The following SLC17A3 variants were observed in gnomAD, a reference collection of about 807,000 sequenced individuals.
SLC17A3 encodes solute carrier family 17 member 3.
In SLC17A3, 61 loss-of-function variants were observed where a neutral mutation model predicts 60.3. The observed-to-expected ratio is 1.01, with a 90% CI of 0.82 to 1.25. The LOEUF (loss-of-function observed/expected upper bound fraction) is 1.25. Ranked by LOEUF, SLC17A3 falls within the 50% of genes most tolerant of loss-of-function variation. The pLI is 0.00. For synonymous variants in SLC17A3, 192 were observed against 208.9 expected (o/e 0.92, Z 0.70); for missense variants, 624 against 594.9 (o/e 1.05, Z -0.51).
At chr6:25,854,607 A>G (rs571089804) in intron 6 of SLC17A3, among the ~76,000 whole-genome samples, 9 of 152,234 alleles carry the variant, frequency 5.9e-5, no homozygotes, top group Non-Finnish European at 1.3e-4. Flanking sequence ...AAAAGCTACT[A>G]AAGTGGAAGT....
intron 2 of SLC17A3, among the ~76,000 whole-genome samples, chr6:25,865,846 C>T (rs899870022): frequency 6.6e-6 from 1 of 151,906 alleles, no homozygotes; most frequent in Non-Finnish European, 1.5e-5. Context: ...GGTCTGTATG[C>T]ATGTGAGAAA....
At chr6:25,856,767 A>T (rs1316489640) in intron 5 of SLC17A3, among the ~76,000 whole-genome samples, 5 of 151,690 alleles carry the variant, frequency 3.3e-5, no homozygotes, top group Non-Finnish European at 7.4e-5. Context: ...GAATTGCTTG[A>T]ACCCAGGAGG....
chr6:25,858,741 T>C (rs538749407), intron 5 of SLC17A3, among the ~76,000 whole-genome samples: 1 of 152,236 alleles, frequency 6.6e-6, no homozygotes, highest in Non-Finnish European at 1.5e-5. Context: ...TTCCAAATTA[T>C]AAGCCAATCT....
chr6:25,867,963 T>C (rs1035488024), intron 2 of SLC17A3, among the ~76,000 whole-genome samples: 1 of 151,696 alleles, frequency 6.6e-6, no homozygotes, highest in South Asian at 2.1e-4. Context: ...CTATAATTAG[T>C]TTTTTTTACT....
chr6:25,846,335 A>G (rs186125968), intron 11 of SLC17A3, among the ~76,000 whole-genome samples: 21 of 152,364 alleles, frequency 1.4e-4, no homozygotes, highest in Admixed American at 2.6e-4. Context: ...TCAAATGTCC[A>G]TAAAAGTACA....
intron 8 of SLC17A3, 102 bp from the exon 9 acceptor site, chr6:25,850,279 T>C: frequency 7.0e-7 from 1 of 1,428,132 alleles, no homozygotes; most frequent in Non-Finnish European, 9.7e-7. Context: ...GAAATCATAC[T>C]TTCTTAGGAA....
chr6:25,864,259 T>C (rs1339156961), intron 2 of SLC17A3, among the ~76,000 whole-genome samples: 1 of 151,976 alleles, frequency 6.6e-6, no homozygotes, highest in African/African-American at 2.4e-5. Flanking sequence ...TGTGGGCCAT[T>C]GCAGGTACTT....
intron 6 of SLC17A3, 47 bp from the exon 7 acceptor site, chr6:25,850,924 TG>T: frequency 2.2e-6 from 3 of 1,340,018 alleles, no homozygotes; most frequent in Non-Finnish European, 3.2e-6. Context: ...TTCTGCTTTT[TG>T]GGTGAACTTC....
chr6:25,851,534 T>A (rs1291323922), intron 6 of SLC17A3, among the ~76,000 whole-genome samples: 1 of 152,170 alleles, frequency 6.6e-6, no homozygotes, highest in Non-Finnish European at 1.5e-5. Flanking sequence ...TCAGGTTTTA[T>A]ATTTAGGTCT....
intron 2 of SLC17A3, among the ~76,000 whole-genome samples, chr6:25,866,820 C>T (rs1322496984): frequency 6.6e-6 from 1 of 151,864 alleles, no homozygotes. Flanking sequence ...AAAACTAGAT[C>T]ATGTAATTAG....
rs370924957 is a variant in SLC17A3 at position 25,861,999 on chromosome 6, G to C, written c.334C>G (p.Gln112Glu). Residue 112 changes from glutamine to glutamate, a missense_variant, in exon 4 of 13, where the codon CAA (glutamine) becomes GAA (glutamate). Physicochemically the swap from Gln to Glu is conservative, Grantham distance 29 (BLOSUM62 2). Transcript: ENST00000397060. Reference protein sequence around the residue: ...APVYDWSPQIQGIIFGAVGYG... With the variant: ...APVYDWSPQIEGIIFGAVGYG... ...CCAACAGCACCAAAGATGATGCCTT[G>C]GATTTGAGGAGACCAGTCATACACA... is the stretch of plus-strand genomic sequence containing the variant. 9.5e-5 allele frequency: 153 copies of C among 1,609,000 alleles called. No homozygotes were observed. The highest frequency in any genetic ancestry group is 1.2e-4 in the Admixed American group (7 of 59,282).
Position 25,862,246 on chromosome 6 carries a change from C to CTCT in SLC17A3, c.287_289dup (p.Lys96dup), listed in dbSNP as rs759579287. On this transcript the variant is annotated inframe_insertion, in exon 3 of 13. Transcript: ENST00000397060. ...TATGTTGCTTACCTTTGCAGGAAGACTCTTTGGGGCTTTACTTAGGCCACC... is the reference window on the plus strand; with the variant it reads ...TATGTTGCTTACCTTTGCAGGAAGACTCTTCTTTGGGGCTTTACTTAGGCCACC... 1 of 1,613,136 alleles carries CTCT rather than the reference C, an allele frequency of 6.2e-7. No individual in the cohort carries two copies. Among genetic ancestry groups the CTCT allele is most frequent in the South Asian group, 1.1e-5 (1 of 91,050 alleles).
intron 11 of SLC17A3, among the ~76,000 whole-genome samples, chr6:25,846,770 C>T (rs1352819761): frequency 6.6e-6 from 1 of 152,080 alleles, no homozygotes; most frequent in Non-Finnish European, 1.5e-5. Context: ...ACCACCACAT[C>T]CGGCTAATTG....
chr6:25,859,957 T>C (rs1384688080), intron 5 of SLC17A3, among the ~76,000 whole-genome samples: 1 of 152,170 alleles, frequency 6.6e-6, no homozygotes, highest in Non-Finnish European at 1.5e-5. Flanking sequence ...ATCTGTTCTA[T>C]GACCTCTGGG....
At chr6:25,868,973 C>G (rs771624873) in intron 1 of SLC17A3, among the ~76,000 whole-genome samples, 3 of 151,940 alleles carry the variant, frequency 2.0e-5, no homozygotes, top group Non-Finnish European at 4.4e-5. Context: ...CCTGACAACT[C>G]CCACACTGCT....
chr6:25,857,302 ACTGT>A (rs891324989), intron 5 of SLC17A3, among the ~76,000 whole-genome samples: 10 of 151,848 alleles, frequency 6.6e-5, no homozygotes, highest in African/African-American at 2.4e-4. Context: ...TCTTTTGTGA[ACTGT>A]CTGTTCATAA....
intron 2 of SLC17A3, among the ~76,000 whole-genome samples, chr6:25,864,414 G>A (rs1441808534): frequency 6.6e-6 from 1 of 151,964 alleles, no homozygotes; most frequent in Non-Finnish European, 1.5e-5. Flanking sequence ...GGAAGCTATT[G>A]CAATAATTCA....
intron 1 of SLC17A3, among the ~76,000 whole-genome samples, chr6:25,870,731 C>A (rs1462737918): frequency 6.6e-6 from 1 of 152,022 alleles, no homozygotes; most frequent in East Asian, 1.9e-4. Flanking sequence ...AACATGGACT[C>A]ATGACTGCCT....
chr6:25,850,828 A>T lies in SLC17A3; in HGVS notation c.762T>A (p.Asp254Glu). 1 of 1,614,140 alleles carries T rather than the reference A, an allele frequency of 6.2e-7. No individual in the cohort carries two copies. Among genetic ancestry groups the T allele is most frequent in the Non-Finnish European group, 8.5e-7 (1 of 1,179,964 alleles). Residue 254 changes from aspartate to glutamate, a missense_variant, in exon 7 of 13, where the codon GAT (aspartate) becomes GAA (glutamate). Asp to Glu is a conservative substitution (Grantham distance 45). Transcript: ENST00000397060. ...TTATCCATGGATAGGAAACGGGGTCATCATAAATCACAACAAACCAGAGAA... is the reference window on the plus strand; with the variant it reads ...TTATCCATGGATAGGAAACGGGGTCTTCATAAATCACAACAAACCAGAGAA... ...CCLLWFVVIY[D>E]DPVSYPWIST...
Sources: gnomAD v4.1 joint callset for allele counts (sites outside exome capture counted in the v4.1 genomes callset) on GRCh38, gnomAD v4.1.1 for gene constraint, MANE v1.5 for transcripts, NCBI Gene and HGNC (gene_info 2026-07-23, HGNC 2026-07-21) for gene names.